The following TOPBP1 variants were observed in gnomAD, a reference collection of about 807,000 sequenced individuals.
TOPBP1 encodes the protein DNA topoisomerase II binding protein 1.
Under a neutral mutation model 167.7 loss-of-function variants are expected in TOPBP1, and 28 were observed. That is an observed-to-expected ratio of 0.17 (90% CI 0.12 to 0.23). The LOEUF is 0.23. Among genes scored for constraint, TOPBP1 ranks in the 10% least tolerant of loss-of-function variants. The pLI is 1.00. For missense variants in TOPBP1, 1,554 were observed against 1,809.6 expected, an observed-to-expected ratio of 0.86 and a Z score of 2.56; for synonymous variants, 598 against 611.4, an observed-to-expected ratio of 0.98 and a Z score of 0.32.
rs375374076 is a variant in TOPBP1, at chr3:133,637,989, C to T, written c.2407G>A (p.Ala803Thr). Reference protein sequence around the residue: ...AVVSQHARQVAASPAVGQPLQ... With the variant: ...AVVSQHARQVTASPAVGQPLQ... ...GGTTGTCCTACTGCTGGGGAGGCTG[C>T]GACCTGTCTGGCATGTTGTGAGACC... Residue 803 changes from alanine to threonine, a missense_variant, in exon 14 of 28, where the codon GCA becomes ACA. Physicochemically the swap from Ala to Thr is moderately conservative, Grantham distance 58. Transcript: ENST00000260810. 1.3e-4 allele frequency: 208 copies of T among 1,613,940 alleles called. No homozygotes were observed. In the African/African-American group the frequency reaches 2.3e-3, roughly 18 times the overall value.
rs1395165130 is a variant in TOPBP1 at position 133,661,028 on chromosome 3, T to A, written c.84+16A>T. On this transcript the variant is annotated intron_variant, in intron 2 of 27. Transcript: ENST00000260810. ...AGAAAATGAATTCACGGTATTAAGATGTTTTCAACTCTTACCTCGAGAGCT... is the reference window on the plus strand; with the variant it reads ...AGAAAATGAATTCACGGTATTAAGAAGTTTTCAACTCTTACCTCGAGAGCT... The A allele has an allele frequency of 7.8e-6, 12 of 1,546,584 alleles. No individual in the cohort carries two copies. Among genetic ancestry groups the A allele is most frequent in the Admixed American group, 2.2e-5 (1 of 45,088 alleles).
rs1217304135 is a variant in TOPBP1, at chr3:133,639,967, G to C, written c.2225C>G (p.Thr742Ser). 1 of 1,613,452 alleles carries C rather than the reference G, an allele frequency of 6.2e-7. No homozygotes were observed. The highest frequency in any genetic ancestry group is 1.3e-5 in the African/African-American group (1 of 74,916). Reference sequence around the variant, plus strand: ...AGAATAAAAGTATTAACCTTCTTTAGTTGAATTTTCAATCAGAAAATGGCT... The same window carrying C: ...AGAATAAAAGTATTAACCTTCTTTACTTGAATTTTCAATCAGAAAATGGCT... ...DESHFLIENS[T>S]KEERSLETEI... The change falls in exon 13 of 28, where the codon ACT becomes AGT. Residue 742 changes from threonine (T) to serine (S), a missense_variant. This residue lies in a region of TOPBP1 where 1,197 missense variants were observed against 1,351.5 expected (regional missense o/e 0.89). Transcript: ENST00000260810.
At chr3:133,621,147 C>T (rs1392918066) in intron 19 of TOPBP1, among the ~76,000 whole-genome samples, 4 of 152,056 alleles carry the variant, frequency 2.6e-5, no homozygotes, top group Admixed American at 6.6e-5. Context: ...GAGTAGCTGG[C>T]ACTACAGGTG....
intron 27 of TOPBP1, among the ~76,000 whole-genome samples, chr3:133,604,725 C>T (rs751360078): frequency 2.6e-5 from 4 of 151,754 alleles, no homozygotes; most frequent in Non-Finnish European, 1.5e-5. Context: ...TCAGGTCAGC[C>T]TGGACAACAT....
At chr3:133,651,893 A>G (rs1168213851) in intron 8 of TOPBP1, among the ~76,000 whole-genome samples, 3 of 152,226 alleles carry the variant, frequency 2.0e-5, no homozygotes, top group African/African-American at 7.2e-5. Context: ...TGATTAGCAC[A>G]GTGTCTAATA....
At position 133,649,514 on chromosome 3, in the gene TOPBP1, G is replaced by C. The variant is rs774002775; in HGVS notation, c.1373C>G (p.Pro458Arg). ...QPVEIPVSHK[P>R]ESKAALLKKK... is the part of the protein sequence containing the mutation. ...TTTTAAAAGAGCTGCTTTACTTTCA[G>C]GCTTATGTGAAACTGGAATTTCCAC... Residue 458 changes from proline (P) to arginine (R), a missense_variant, in exon 10 of 28, where the codon CCT becomes CGT. Around this residue, in one of 3 missense-constraint regions of TOPBP1, gnomAD observed 1,197 missense variants for 1,351.5 expected, o/e 0.89. Transcript: ENST00000260810. The C allele has an allele frequency of 1.3e-5, 21 of 1,613,854 alleles. No individual in the cohort carries two copies. The highest frequency in any genetic ancestry group is 2.2e-5 in the East Asian group (1 of 44,864).
At chr3:133,648,855 G>C (rs544648336) in intron 10 of TOPBP1, among the ~76,000 whole-genome samples, 4 of 151,770 alleles carry the variant, frequency 2.6e-5, no homozygotes, top group African/African-American at 9.7e-5. Flanking sequence ...TTAAAATTCT[G>C]ATTAACTTCA....
chr3:133,648,795 C>T (rs1936175429), intron 10 of TOPBP1, among the ~76,000 whole-genome samples: 1 of 149,562 alleles, frequency 6.7e-6, no homozygotes, highest in Non-Finnish European at 1.5e-5. Flanking sequence ...CGAAATCCTG[C>T]TTCAAAAAAA....
intron 14 of TOPBP1, among the ~76,000 whole-genome samples, chr3:133,632,312 G>T (rs1191649031): frequency 6.6e-6 from 1 of 152,040 alleles, no homozygotes; most frequent in Non-Finnish European, 1.5e-5. Flanking sequence ...AGCTGAGGCA[G>T]CAGAATTGCT....
At chr3:133,609,833 A>G (rs2107771084) in intron 25 of TOPBP1, among the ~76,000 whole-genome samples, 1 of 152,332 alleles carries the variant, frequency 6.6e-6, no homozygotes, top group Non-Finnish European at 1.5e-5. Context: ...TAGCAGCGTG[A>G]GAACGAACTA....
intron 16 of TOPBP1, 72 bp downstream of exon 16, chr3:133,628,290 G>T (rs1353974732): frequency 3.0e-6 from 4 of 1,314,720 alleles, no homozygotes; most frequent in Admixed American, 2.1e-5. Flanking sequence ...TCTTGTAGAT[G>T]CTCACAATAG....
intron 14 of TOPBP1, among the ~76,000 whole-genome samples, chr3:133,629,324 T>C (rs1420277157): frequency 6.6e-6 from 1 of 152,232 alleles, no homozygotes; most frequent in Non-Finnish European, 1.5e-5. Context: ...TGTGTACAAC[T>C]GATAAGCTTT....
chr3:133,608,477 T>C, intron 27 of TOPBP1, 58 bp downstream of exon 27: 1 of 1,581,020 alleles, frequency 6.3e-7, no homozygotes, highest in Non-Finnish European at 8.6e-7. Flanking sequence ...CAGTTACTTA[T>C]CTATGCACAT....
intron 2 of TOPBP1, 70 bp downstream of exon 2, chr3:133,660,974 G>T: frequency 8.8e-7 from 1 of 1,135,562 alleles, no homozygotes; most frequent in South Asian, 1.6e-5. Context: ...AAGACATAAA[G>T]CCCAACAAAT....
At chr3:133,606,626 A>C (rs938481829) in intron 27 of TOPBP1, among the ~76,000 whole-genome samples, 1 of 152,126 alleles carries the variant, frequency 6.6e-6, no homozygotes, top group Non-Finnish European at 1.5e-5. Flanking sequence ...ACTAGCTTCA[A>C]AAGTTGCTGT....
chr3:133,653,563 G>T, intron 6 of TOPBP1, 39 bp from the exon 7 acceptor site: 1 of 1,420,986 alleles, frequency 7.0e-7, no homozygotes. Context: ...GAAAATAGGA[G>T]AAACCAAGAA....
intron 27 of TOPBP1, among the ~76,000 whole-genome samples, chr3:133,603,134 G>A (rs2107764342): frequency 6.6e-6 from 1 of 152,214 alleles, no homozygotes; most frequent in African/African-American, 2.4e-5. Context: ...GACCTCAGGT[G>A]ATCTGCCCAC....
intron 4 of TOPBP1, among the ~76,000 whole-genome samples, chr3:133,657,504 T>TA (rs1323554881): frequency 4.6e-5 from 7 of 151,996 alleles, no homozygotes; most frequent in Admixed American, 2.0e-4. Context: ...TCCTTTTTTT[T>TA]AAAGACTGTC....
chr3:133,610,448 ATAACT>A (rs56041513), intron 25 of TOPBP1, among the ~76,000 whole-genome samples: 19,880 of 152,058 alleles, frequency 0.13, 1,700 homozygotes, highest in Non-Finnish European at 0.2. Flanking sequence ...AATAATATAA[ATAACT>A]AAAGTACTGA....
Sources: gnomAD v4.1 joint callset for allele counts (sites outside exome capture counted in the v4.1 genomes callset) on GRCh38, gnomAD v4.1.1 for gene constraint, gnomAD v4.1.1 regional missense constraint, MANE v1.5 for transcripts, NCBI Gene and HGNC (gene_info 2026-07-23, HGNC 2026-07-21) for gene names.